Variants in CATSPERD observed in about 807,000 individuals in gnomAD.
The protein encoded by CATSPERD is catsper channel auxiliary subunit delta, also known as cation channel sperm-associated auxiliary subunit delta.
In CATSPERD, 86 loss-of-function variants were observed where a neutral mutation model predicts 98.1. The observed-to-expected ratio is 0.88, with a 90% CI of 0.74 to 1.05. The LOEUF is 1.05. Ranked by LOEUF, CATSPERD falls within the 50% of genes least tolerant of loss-of-function variation. The pLI is 0.00. For synonymous variants in CATSPERD, 394 were observed against 390.2 expected (o/e 1.01, Z -0.12); for missense variants, 995 against 1,005.7 (o/e 0.99, Z 0.14).
intron 21 of CATSPERD, 119 bp downstream of exon 21, chr19:5,776,434 G>A (rs1221854956): frequency 2.4e-5 from 27 of 1,106,012 alleles, no homozygotes; most frequent in South Asian, 9.1e-5. Flanking sequence ...AGCCCAGGCC[G>A]TCCCCAGGAC....
chr19:5,767,772 ATTTG>A (rs2056569600), intron 17 of CATSPERD, among the ~76,000 whole-genome samples: 2 of 63,930 alleles, frequency 3.1e-5, no homozygotes, highest in East Asian at 3.3e-4. Flanking sequence ...TCCCTTTTTT[ATTTG>A]TTTTATTATT....
chr19:5,721,359 T>G (rs1048508663), intron 1 of CATSPERD, among the ~76,000 whole-genome samples: 4 of 151,834 alleles, frequency 2.6e-5, no homozygotes, highest in Non-Finnish European at 5.9e-5. Context: ...TTTCCCAGGG[T>G]GGAGTGCAGT....
At chr19:5,762,727 T>C (rs1417697679) in intron 15 of CATSPERD, among the ~76,000 whole-genome samples, 1 of 148,194 alleles carries the variant, frequency 6.7e-6, no homozygotes, top group Non-Finnish European at 1.5e-5. Flanking sequence ...GATGGATGAG[T>C]GGATGGATAG....
intron 11 of CATSPERD, among the ~76,000 whole-genome samples, chr19:5,750,763 A>C (rs2056197181): frequency 6.6e-6 from 1 of 151,972 alleles, no homozygotes; most frequent in Non-Finnish European, 1.5e-5. Flanking sequence ...TAATTACCAA[A>C]GGATGAATGA....
chr19:5,761,619 G>GCTGGATGGTGTATTAGTCTGTTTTCAC (rs1555725201), intron 15 of CATSPERD, among the ~76,000 whole-genome samples: 25 of 151,872 alleles, frequency 1.6e-4, no homozygotes, highest in South Asian at 4.2e-4. Flanking sequence ...GGCGGAAGGC[G>GCTGGATGGTGTATTAGTCTGTTTTCAC]AAGGGGAAAC....
intron 15 of CATSPERD, among the ~76,000 whole-genome samples, chr19:5,760,953 A>T (rs1389099738): frequency 3.3e-5 from 5 of 151,634 alleles, no homozygotes; most frequent in African/African-American, 7.3e-5. Flanking sequence ...AAAAAAAAAA[A>T]TTTCTGAATG....
At chr19:5,751,193 G>T (rs1400781468) in intron 11 of CATSPERD, among the ~76,000 whole-genome samples, 1 of 44,002 alleles carries the variant, frequency 2.3e-5, no homozygotes, top group Non-Finnish European at 3.9e-5. Flanking sequence ...ACAAGATTCC[G>T]TCTCAAAAAA....
At chr19:5,764,677 C>T (rs571557068) in intron 16 of CATSPERD, among the ~76,000 whole-genome samples, 38 of 150,090 alleles carry the variant, frequency 2.5e-4, no homozygotes, top group Middle Eastern at 3.6e-3. Context: ...AGTGCAGTGG[C>T]GCAATCTTGG....
intron 1 of CATSPERD, among the ~76,000 whole-genome samples, chr19:5,722,921 G>T (rs971970983): frequency 2.0e-5 from 3 of 152,082 alleles, no homozygotes; most frequent in African/African-American, 4.8e-5. Flanking sequence ...GGGCGCGGGG[G>T]CTCACGCCTG....
rs145412380 is a variant in CATSPERD, at chr19:5,758,142, G to A, written c.1368+210G>A. Reference sequence around the variant, plus strand: ...GAGACCCGGATGGCATGACAGGGAGGAGCCTAACCCAGCCCGGGGAGGGTA... The same window carrying A: ...GAGACCCGGATGGCATGACAGGGAGAAGCCTAACCCAGCCCGGGGAGGGTA... On this transcript the variant is annotated intron_variant, in intron 14 of 21. Transcript: ENST00000381624. Among the ~76,000 whole-genome samples, 940 of 152,232 alleles carry A rather than the reference G, an allele frequency of 6.2e-3. 4 individuals are homozygous for A. The highest frequency in any genetic ancestry group is 7.9e-3 in the Non-Finnish European group (535 of 68,020).
intron 3 of CATSPERD, among the ~76,000 whole-genome samples, chr19:5,728,533 A>T (rs368459483): frequency 5.3e-5 from 8 of 151,412 alleles, no homozygotes; most frequent in African/African-American, 1.7e-4. Flanking sequence ...CCCCGTCTGG[A>T]TGTCTGGATG....
At chr19:5,738,352 CAAAA>C (rs767298084) in intron 6 of CATSPERD, among the ~76,000 whole-genome samples, 3 of 104,952 alleles carry the variant, frequency 2.9e-5, no homozygotes, top group African/African-American at 6.8e-5. Flanking sequence ...ACTCAAAATA[CAAAA>C]AAAAAAAAAA....
intron 7 of CATSPERD, among the ~76,000 whole-genome samples, chr19:5,744,179 C>G: frequency 6.6e-6 from 1 of 152,042 alleles, no homozygotes; most frequent in Non-Finnish European, 1.5e-5. Flanking sequence ...GGGGTTTCAC[C>G]ATGTTGACCA....
At chr19:5,738,165 T>G (rs2055884485) in intron 6 of CATSPERD, among the ~76,000 whole-genome samples, 1 of 151,570 alleles carries the variant, frequency 6.6e-6, no homozygotes, top group African/African-American at 2.4e-5. Flanking sequence ...CCCAGCAGTT[T>G]GGGAGGCTGA....
rs756956309 is a variant in CATSPERD, at chr19:5,727,289, A to G, written c.148A>G (p.Thr50Ala). ...VQGDRLYFHP[T>A]TTRLIKHPCE... ...CTAGGACCGCCTGTATTTTCATCCT[A>G]CAACAACACGCTTGATTAAACATCC... The change falls in exon 3 of 22, where the codon ACA becomes GCA. Residue 50 changes from threonine to alanine, a missense_variant. Physicochemically the swap from Thr to Ala is moderately conservative, Grantham distance 58. Transcript: ENST00000381624. The G allele has an allele frequency of 4.3e-6, 7 of 1,613,586 alleles. No homozygotes were observed. In the African/African-American group the frequency reaches 5.3e-5, roughly 12 times the overall value.
At chr19:5,765,916 C>G (rs901506854) in intron 16 of CATSPERD, among the ~76,000 whole-genome samples, 187 bp from the exon 17 acceptor site, 1 of 152,084 alleles carries the variant, frequency 6.6e-6, no homozygotes. Context: ...CCCAGGCTCT[C>G]AGAGCTTAAG....
chr19:5,756,069 C>T (rs1178040493), intron 13 of CATSPERD, among the ~76,000 whole-genome samples: 3 of 151,794 alleles, frequency 2.0e-5, no homozygotes, highest in Admixed American at 6.6e-5. Context: ...TTGCCTGAGG[C>T]CAGGAGTTCA....
In CATSPERD at chr19:5,724,862, G is replaced by A. The variant is rs1325551167; in HGVS notation, c.126G>A (p.Gly42=). ...KVFNLIQDVQ[G]DRLYFHPTTT... The stretch of plus-strand genomic sequence containing the variant: ...TTAATCTGATACAGGACGTTCAAGG[G>A]GTATGTGGCTCCATGCTTAAATTCA... The change falls in exon 2 of 22, where the codon GGG becomes GGA. Residue 42 remains glycine (G), a splice_region_variant and synonymous_variant. Transcript: ENST00000381624. 2 of 1,613,812 alleles carry A rather than the reference G, an allele frequency of 1.2e-6. No individual in the cohort carries two copies. Among genetic ancestry groups the A allele is most frequent in the South Asian group, 2.2e-5 (2 of 91,072 alleles).
At chr19:5,760,281 C>G (rs545867325) in intron 15 of CATSPERD, among the ~76,000 whole-genome samples, 1 of 151,042 alleles carries the variant, frequency 6.6e-6, no homozygotes, top group South Asian at 2.1e-4. Flanking sequence ...CGCCTGTAGT[C>G]TCAGCTACTC....
Sources: gnomAD v4.1 joint callset for allele counts (sites outside exome capture counted in the v4.1 genomes callset) on GRCh38, gnomAD v4.1.1 for gene constraint, MANE v1.5 for transcripts, NCBI Gene and HGNC (gene_info 2026-07-23, HGNC 2026-07-21) for gene names.